PNO1: variants seen among roughly 807,000 people sequenced by gnomAD.
PNO1 encodes the protein partner of NOB1 homolog.
A neutral mutation model predicts 28.4 loss-of-function variants in PNO1; 16 were observed. That is an observed-to-expected ratio of 0.56 (90% CI 0.38 to 0.85). The LOEUF (loss-of-function observed/expected upper bound fraction) is 0.85. Among genes scored for constraint, PNO1 ranks in the 40% least tolerant of loss-of-function variants. The pLI, the probability that PNO1 is intolerant of heterozygous loss-of-function variation, is 0.00. For synonymous variants in PNO1, 115 were observed against 110.8 expected (o/e 1.04, Z -0.24); for missense variants, 304 against 312.2 (o/e 0.97, Z 0.20).
chr2:68,163,586 TACTC>T (rs200579843), intron 5 of PNO1, among the ~76,000 whole-genome samples: 5,027 of 151,916 alleles, frequency 0.033, 277 homozygotes, highest in African/African-American at 0.12. Flanking sequence ...CATACATACT[TACTC>T]AAGGGAATCT....
chr2:68,175,133 A>G lies in PNO1; in HGVS notation c.*331A>G, dbSNP rs1473772561. On this transcript the variant is annotated 3_prime_UTR_variant, in exon 7 of 7. Transcript: ENST00000263657. ...TTTAAACAGCTCTATATGGATTTAT[A>G]CTTTTATATTTATAAATTTATAACT... The G allele has an allele frequency of 5.6e-6, 1 of 179,066 alleles. No homozygotes were observed. Among genetic ancestry groups the G allele is most frequent in the Non-Finnish European group, 1.2e-5 (1 of 86,148 alleles). 11.1% of individuals were successfully genotyped at this position (179,066 alleles called of 1,614,324 possible).
rs1673860367 is a variant in PNO1 at position 68,162,489 on chromosome 2, G to A, written c.503-57G>A. On this transcript the variant is annotated intron_variant, in intron 4 of 6. Coordinates refer to ENST00000263657, the MANE Select transcript of PNO1 (RefSeq NM_020143.4). ...TTTAGTTTATGATTAAACTTTATGT[G>A]GAATGGGTGGTACACTAGAATGGCT... 6.6e-6 allele frequency: 8 copies of A among 1,217,424 alleles called. No individual in the cohort carries two copies. The South Asian group carries it at 1.0e-4, about 15-fold the overall frequency. 75.4% of individuals were successfully genotyped at this position (1,217,424 alleles called of 1,614,324 possible).
intron 5 of PNO1, among the ~76,000 whole-genome samples, chr2:68,172,884 CT>C (rs1674167237): frequency 6.6e-6 from 1 of 152,086 alleles, no homozygotes; most frequent in Admixed American, 6.6e-5. Flanking sequence ...AATTCTTTGT[CT>C]TTTCTAATAA....
chr2:68,158,072 C>T lies in PNO1; in HGVS notation c.138C>T (p.Arg46=), dbSNP rs1214022081. The T allele has an allele frequency of 9.3e-6, 15 of 1,613,626 alleles. No homozygotes were observed. Among genetic ancestry groups the T allele is most frequent in the South Asian group, 2.2e-5 (2 of 91,078 alleles). ...CAGGAGAGGGCGGGGATGCGGGCCG[C>T]ATGGACACAGAGGAGGCCAGGCCGG... The part of the protein sequence containing the change: ...SAAGEGGDAG[R]MDTEEARPAK... The change falls in exon 1 of 7, where the codon CGC becomes CGT. Residue 46 remains arginine, a synonymous_variant. Coordinates refer to ENST00000263657, the MANE Select transcript of PNO1 (RefSeq NM_020143.4).
Position 68,165,545 on chromosome 2 carries a change from CA to C in PNO1, c.620+2902del, listed in dbSNP as rs36126325. ...TGGGCGACAGAGTGAGACTCCATCT[CA>C]AAAAAAAAAAAAAAAAAAACGGCTG... On this transcript the variant is annotated intron_variant, in intron 5 of 6. Coordinates refer to ENST00000263657, the MANE Select transcript of PNO1 (RefSeq NM_020143.4). 6.8e-4 allele frequency among the ~76,000 whole-genome samples: 46 copies of C among 67,210 alleles called. 1 individual carries two copies. The East Asian group carries it at 0.012, about 17-fold the overall frequency. 44.1% of individuals were successfully genotyped at this position (67,210 alleles called of 152,430 possible).
intron 5 of PNO1, chr2:68,173,106 T>C (rs1046395390): frequency 9.0e-6 from 2 of 223,270 alleles, no homozygotes; most frequent in African/African-American, 5.1e-5. Flanking sequence ...TTTTTTTTTT[T>C]TAAGAGAGAG....
At chr2:68,171,779 T>A (rs954737908) in intron 5 of PNO1, among the ~76,000 whole-genome samples, 2 of 152,076 alleles carry the variant, frequency 1.3e-5, no homozygotes, top group African/African-American at 4.8e-5. Flanking sequence ...GACTTTGGCT[T>A]TTACTCGGAG....
chr2:68,162,684 A>T, intron 5 of PNO1, 21 bp downstream of exon 5: 1 of 1,327,788 alleles, frequency 7.5e-7, no homozygotes, highest in Non-Finnish European at 1.1e-6. Flanking sequence ...GATCTTGAGA[A>T]AATTATTGTC....
rs1343522348 is a variant in PNO1, at chr2:68,173,430, T to A, written c.691+13T>A. The A allele has an allele frequency of 6.5e-7, 1 of 1,536,412 alleles. No homozygotes were observed. Among genetic ancestry groups the A allele is most frequent in the East Asian group, 2.2e-5 (1 of 44,464 alleles). On this transcript the variant is annotated intron_variant, in intron 6 of 6. Coordinates refer to ENST00000263657, the MANE Select transcript of PNO1 (RefSeq NM_020143.4). Reference sequence around the variant, plus strand: ...AACCTAATCTTGGGTAATAGCAGTTTCTTTCTTTGGTGTTTTCTCTGGGAG... The same window carrying A: ...AACCTAATCTTGGGTAATAGCAGTTACTTTCTTTGGTGTTTTCTCTGGGAG...
At chr2:68,158,319 A>G in intron 1 of PNO1, 61 bp from the exon 2 acceptor site, 4 of 1,514,498 alleles carry the variant, frequency 2.6e-6, no homozygotes, top group Non-Finnish European at 3.6e-6. Flanking sequence ...ATCAGATGTC[A>G]TTTTAAACTC....
At chr2:68,173,566 AG>A (rs1359392794) in intron 6 of PNO1, 149 bp downstream of exon 6, 1 of 490,088 alleles carries the variant, frequency 2.0e-6, no homozygotes, top group African/African-American at 2.1e-5. Flanking sequence ...GGCCTAGAGA[AG>A]GAAGTAGAAT....
In PNO1 at chr2:68,157,992, A is replaced by G; in HGVS notation, c.58A>G (p.Thr20Ala). The change falls in exon 1 of 7, where the codon ACC (threonine) becomes GCC (alanine). Residue 20 changes from threonine (T) to alanine (A), a missense_variant. Transcript: ENST00000263657. ...ARAEEGFTQVTRKGGRRAKKR... is the reference protein window; with the variant it reads ...ARAEEGFTQVARKGGRRAKKR... ...GGCAGAGGAGGGCTTTACCCAGGTCACCCGCAAGGGTGGCCGACGGGCGAA... is the reference window on the plus strand; with the variant it reads ...GGCAGAGGAGGGCTTTACCCAGGTCGCCCGCAAGGGTGGCCGACGGGCGAA... 6.2e-7 allele frequency: 1 copy of G among 1,614,112 alleles called. No individual in the cohort carries two copies. Among genetic ancestry groups the G allele is most frequent in the Non-Finnish European group, 8.5e-7 (1 of 1,180,010 alleles).
chr2:68,174,820 T>A lies in PNO1; in HGVS notation c.*18T>A. 1 of 1,538,278 alleles carries A rather than the reference T, an allele frequency of 6.5e-7. No homozygotes were observed. The highest frequency in any genetic ancestry group is 2.3e-5 in the East Asian group (1 of 44,392). ...GATTCTGATTTCAAGTCAGAGACTT[T>A]TTATCTTGCCTTTGGACTCTGGTGA... On this transcript the variant is annotated 3_prime_UTR_variant, in exon 7 of 7. Coordinates refer to ENST00000263657, the MANE Select transcript of PNO1 (RefSeq NM_020143.4).
At position 68,176,020 on chromosome 2, in the gene PNO1, T is replaced by C. The variant is rs939320076; in HGVS notation, c.*1218T>C. The C allele has an allele frequency of 1.3e-5, 2 of 152,244 alleles. No homozygotes were observed. Among genetic ancestry groups the C allele is most frequent in the African/African-American group, 4.8e-5 (2 of 41,458 alleles). The allele number at this position is 152,244 out of a possible 1,614,324, so 9.4% of individuals were successfully genotyped here. A position where few individuals can be genotyped will look rare whatever the true frequency, so the allele number is the denominator to read the frequency against. On this transcript the variant is annotated 3_prime_UTR_variant, in exon 7 of 7. Coordinates refer to ENST00000263657, the MANE Select transcript of PNO1 (RefSeq NM_020143.4). ...GGTTGGGTACTTGAAATACAGCTTCTACTGAATGAATAATTCTAAAGTTGA... is the reference window on the plus strand; with the variant it reads ...GGTTGGGTACTTGAAATACAGCTTCCACTGAATGAATAATTCTAAAGTTGA...
At chr2:68,170,898 T>C (rs1157840180) in intron 5 of PNO1, among the ~76,000 whole-genome samples, 1 of 152,216 alleles carries the variant, frequency 6.6e-6, no homozygotes, top group African/African-American at 2.4e-5. Flanking sequence ...CAGCCTCTTA[T>C]TTTTCAGATT....
chr2:68,167,412 A>T (rs1022017077), intron 5 of PNO1, among the ~76,000 whole-genome samples: 1 of 152,224 alleles, frequency 6.6e-6, no homozygotes, highest in Non-Finnish European at 1.5e-5. Flanking sequence ...CCAGAAAAAG[A>T]GCTCTCCTTG....
chr2:68,160,085 C>T (rs887055118), intron 2 of PNO1, among the ~76,000 whole-genome samples: 15 of 150,866 alleles, frequency 9.9e-5, no homozygotes, highest in Non-Finnish European at 1.8e-4. Context: ...TCTCCTGCCT[C>T]AGCCTCCTGA....
At chr2:68,165,271 G>GGA (rs1673947910) in intron 5 of PNO1, among the ~76,000 whole-genome samples, 1 of 149,858 alleles carries the variant, frequency 6.7e-6, no homozygotes, top group African/African-American at 2.5e-5. Flanking sequence ...GGCTGAGGCA[G>GGA]GAGAATGGCG....
chr2:68,165,972 G>C (rs778976552), intron 5 of PNO1, among the ~76,000 whole-genome samples: 12 of 152,324 alleles, frequency 7.9e-5, no homozygotes, highest in South Asian at 2.1e-4. Flanking sequence ...TTTATGGTCA[G>C]TTGCCTGCCC....
Sources: allele counts gnomAD v4.1 joint callset (sites outside exome capture counted in the v4.1 genomes callset), GRCh38; gene constraint gnomAD v4.1.1; transcripts MANE v1.5; gene names NCBI Gene and HGNC (gene_info 2026-07-23, HGNC 2026-07-21).